Variants in ADAMTS3 observed in about 807,000 individuals in gnomAD.
The protein encoded by ADAMTS3 is A disintegrin and metalloproteinase with thrombospondin motifs 3.
ADAMTS3 carries 73 observed loss-of-function variants against 129.0 expected under a neutral mutation model. The ratio of observed to expected loss-of-function variants is 0.57; its 90% CI spans 0.47 to 0.69. ADAMTS3 has a LOEUF of 0.69. ADAMTS3 is among the 30% of genes least tolerant of loss of function. ADAMTS3 has a pLI of 0.00. For missense variants in ADAMTS3, 1,457 were observed against 1,514.5 expected, an observed-to-expected ratio of 0.96 and a Z score of 0.63; for synonymous variants, 477 against 510.8, an observed-to-expected ratio of 0.93 and a Z score of 0.89.
chr4:72,310,959 A>G (rs933316880), intron 14 of ADAMTS3, 89 bp downstream of exon 14: 1 of 1,229,304 alleles, frequency 8.1e-7, no homozygotes, highest in Non-Finnish European at 1.1e-6. Context: ...TTTCAAAGAT[A>G]AAATAGTTTA....
chr4:72,471,828 T>C (rs6843756), intron 3 of ADAMTS3, among the ~76,000 whole-genome samples: 38,011 of 151,948 alleles, frequency 0.25, 5,122 homozygotes, highest in East Asian at 0.45. Flanking sequence ...ATTTTCATTA[T>C]GGTAAATGTA....
intron 4 of ADAMTS3, among the ~76,000 whole-genome samples, chr4:72,378,441 A>T (rs1189234864): frequency 6.6e-6 from 1 of 152,180 alleles, no homozygotes; most frequent in Non-Finnish European, 1.5e-5. Context: ...GACTATTTTC[A>T]TAGTTATCAT....
At chr4:72,557,059 C>T (rs1185125160) in intron 2 of ADAMTS3, among the ~76,000 whole-genome samples, 1 of 151,834 alleles carries the variant, frequency 6.6e-6, no homozygotes, top group African/African-American at 2.4e-5. Flanking sequence ...CAAGAATTGG[C>T]TGGTTAACTA....
chr4:72,291,242 C>T (rs1425532983), intron 19 of ADAMTS3, among the ~76,000 whole-genome samples, 180 bp from the exon 20 acceptor site: 1 of 151,834 alleles, frequency 6.6e-6, no homozygotes, highest in African/African-American at 2.4e-5. Flanking sequence ...CAATAGTAGG[C>T]TGAAACTTTT....
In ADAMTS3 at chr4:72,313,773, T is replaced by G. The variant is rs1327741135; in HGVS notation, c.1649A>C (p.Gln550Pro). 1 of 1,613,876 alleles carries G rather than the reference T, an allele frequency of 6.2e-7. No individual in the cohort carries two copies. Among genetic ancestry groups the G allele is most frequent in the Admixed American group, 1.7e-5 (1 of 60,008 alleles). The change falls in exon 12 of 22, where the codon CAA becomes CCA. Residue 550 changes from glutamine (Q) to proline (P), a missense_variant. Gln to Pro is a moderately conservative substitution (Grantham distance 76, BLOSUM62 -1). Coordinates refer to ENST00000286657, the MANE Select transcript of ADAMTS3 (RefSeq NM_014243.3). ...AGTCCATGACCCCCAATTGCCATCT[T>G]GTTTTTGCTGATTAGCATTCTTCCA... is the stretch of plus-strand genomic sequence containing the variant. ...CMWKNANQQK[Q>P]DGNWGSWTKF...
At chr4:72,375,992 G>A (rs1006128413) in intron 4 of ADAMTS3, among the ~76,000 whole-genome samples, 1 of 152,138 alleles carries the variant, frequency 6.6e-6, no homozygotes, top group Non-Finnish European at 1.5e-5. Flanking sequence ...AAGAAGAAAA[G>A]GGCAAAATGC....
rs74334953 is a variant in ADAMTS3, at chr4:72,430,877, T to C, written c.505-15906A>G. 7.3e-3 allele frequency among the ~76,000 whole-genome samples: 1,080 copies of C among 148,784 alleles called. 17 individuals are homozygous for C. Among genetic ancestry groups the C allele is most frequent in the African/African-American group, 0.025 (1,025 of 40,554 alleles). ...AGTCTGGCTGGAATAGAAGATGAGT[T>C]CTAAGATGAGGCAAGAGATTATAAT... On this transcript the variant is annotated intron_variant, in intron 3 of 21. Transcript: ENST00000286657.
intron 21 of ADAMTS3, among the ~76,000 whole-genome samples, chr4:72,284,431 C>A (rs1050901940): frequency 7.3e-6 from 1 of 137,770 alleles, no homozygotes; most frequent in Non-Finnish European, 1.6e-5. Flanking sequence ...GGTGACAGAG[C>A]GAGACTCTGT....
intron 4 of ADAMTS3, among the ~76,000 whole-genome samples, chr4:72,356,714 TACAC>T (rs1720591055): frequency 6.6e-6 from 1 of 151,878 alleles, no homozygotes; most frequent in East Asian, 1.9e-4. Flanking sequence ...ACAAAACCAA[TACAC>T]AAAATTACTT....
chr4:72,512,763 A>T (rs1034979029), intron 3 of ADAMTS3, among the ~76,000 whole-genome samples: 3 of 152,112 alleles, frequency 2.0e-5, no homozygotes, highest in African/African-American at 7.2e-5. Flanking sequence ...AAGTATAAAT[A>T]AAAAAATAAG....
chr4:72,336,307 C>G (rs1166480318), intron 5 of ADAMTS3, among the ~76,000 whole-genome samples: 1 of 152,186 alleles, frequency 6.6e-6, no homozygotes, highest in Non-Finnish European at 1.5e-5. Context: ...ATCTAAGTCT[C>G]TGTGTCTATG....
intron 3 of ADAMTS3, among the ~76,000 whole-genome samples, chr4:72,516,176 G>T (rs1447795171): frequency 6.6e-6 from 1 of 152,188 alleles, no homozygotes; most frequent in Non-Finnish European, 1.5e-5. Context: ...TGAGGGCTCT[G>T]TTCTGTTCCA....
intron 19 of ADAMTS3, among the ~76,000 whole-genome samples, chr4:72,292,695 G>C (rs1309124139): frequency 2.6e-5 from 4 of 152,186 alleles, no homozygotes; most frequent in Admixed American, 2.0e-4. Context: ...CTGTCTGTAT[G>C]TAATTCAGGC....
At chr4:72,448,685 C>T (rs1718318208) in intron 3 of ADAMTS3, among the ~76,000 whole-genome samples, 1 of 151,608 alleles carries the variant, frequency 6.6e-6, no homozygotes, top group Admixed American at 6.6e-5. Context: ...ATGCTAAATA[C>T]TGAATTATTT....
chr4:72,299,019 T>C (rs1292964342), intron 17 of ADAMTS3, among the ~76,000 whole-genome samples: 2 of 151,574 alleles, frequency 1.3e-5, no homozygotes, highest in Non-Finnish European at 2.9e-5. Context: ...CAGTCACTTT[T>C]ATTATTGTGA....
At chr4:72,322,114 C>A (rs888523775) in intron 6 of ADAMTS3, among the ~76,000 whole-genome samples, 4 of 152,100 alleles carry the variant, frequency 2.6e-5, no homozygotes, top group Non-Finnish European at 5.9e-5. Context: ...CATACTTTTC[C>A]AAACAAATGC....
At chr4:72,391,671 G>A (rs555251522) in intron 4 of ADAMTS3, among the ~76,000 whole-genome samples, 7 of 151,950 alleles carry the variant, frequency 4.6e-5, no homozygotes, top group South Asian at 2.1e-4. Flanking sequence ...TGGCAACTAC[G>A]CATCATTTAA....
intron 3 of ADAMTS3, among the ~76,000 whole-genome samples, chr4:72,433,635 A>G (rs186041113): frequency 1.9e-4 from 29 of 152,032 alleles, no homozygotes; most frequent in African/African-American, 6.5e-4. Context: ...GTACTGTTCT[A>G]TAAGAAATGG....
intron 3 of ADAMTS3, among the ~76,000 whole-genome samples, chr4:72,524,996 T>C (rs1006190770): frequency 3.3e-5 from 5 of 152,166 alleles, no homozygotes; most frequent in African/African-American, 1.2e-4. Context: ...TACTGCTAAT[T>C]AGAAATGTGT....
Sources: gnomAD v4.1 joint callset for allele counts (sites outside exome capture counted in the v4.1 genomes callset) on GRCh38, gnomAD v4.1.1 for gene constraint, MANE v1.5 for transcripts, NCBI Gene and HGNC (gene_info 2026-07-23, HGNC 2026-07-21) for gene names.